KCND3: variants seen among roughly 807,000 people sequenced by gnomAD.
The protein encoded by KCND3 is A-type voltage-gated potassium channel KCND3.
KCND3 carries 9 observed loss-of-function variants against 51.1 expected under a neutral mutation model. That is an observed-to-expected ratio of 0.18 (90% CI 0.11 to 0.31). KCND3 has a LOEUF of 0.31. KCND3 is among the 10% of genes least tolerant of loss of function. The probability of loss-of-function intolerance (pLI) is 1.00; values close to 1 mark genes in which losing one functional copy is unlikely to be tolerated. For synonymous variants in KCND3, 349 were observed against 368.0 expected (o/e 0.95, Z 0.59); for missense variants, 526 against 903.8 (o/e 0.58, Z 5.36).
intron 1 of KCND3, among the ~76,000 whole-genome samples, chr1:111,986,001 T>A (rs997443223): frequency 6.6e-6 from 1 of 152,048 alleles, no homozygotes; most frequent in Non-Finnish European, 1.5e-5. Flanking sequence ...GATAGAAGAG[T>A]CAGGAACACA....
At chr1:111,972,258 C>G (rs369065582) in intron 2 of KCND3, among the ~76,000 whole-genome samples, 1 of 148,908 alleles carries the variant, frequency 6.7e-6, no homozygotes, top group African/African-American at 2.5e-5. Context: ...CTGCAAGCTC[C>G]GCCTCCCGGG....
chr1:111,882,267 G>A (rs1044526770), intron 2 of KCND3, among the ~76,000 whole-genome samples: 13 of 152,202 alleles, frequency 8.5e-5, no homozygotes, highest in South Asian at 2.1e-4. Flanking sequence ...TGGGGAAATC[G>A]AGGCATGGGG....
intron 2 of KCND3, among the ~76,000 whole-genome samples, chr1:111,870,320 C>T (rs1247634372): frequency 2.0e-5 from 3 of 152,172 alleles, no homozygotes; most frequent in African/African-American, 7.2e-5. Flanking sequence ...TTGCTAATAG[C>T]AGGCATTAGG....
At chr1:111,918,267 G>C (rs531284415) in intron 2 of KCND3, among the ~76,000 whole-genome samples, 31 of 152,340 alleles carry the variant, frequency 2.0e-4, no homozygotes, top group African/African-American at 7.2e-4. Flanking sequence ...AAGACAATGA[G>C]ATCTAAAAAG....
In KCND3 at chr1:111,982,742, T is replaced by C. The variant is rs2102000737; in HGVS notation, c.-16A>G. The C allele has an allele frequency of 3.1e-6, 5 of 1,598,680 alleles. No individual in the cohort carries two copies. Among genetic ancestry groups the C allele is most frequent in the South Asian group, 1.1e-5 (1 of 90,638 alleles). On this transcript the variant is annotated 5_prime_UTR_variant, in exon 2 of 8. Transcript: ENST00000302127. This position sits in a 1 kb window ranked among gnomAD's most constrained non-coding sequence, Gnocchi z 8.5. ...CGGCCGCCATGGTGACTCCAGCTCT[T>C]GGGCCGGCAGCCGCGCGGACGCTAG...
At chr1:111,849,030 C>A (rs1004093944) in intron 2 of KCND3, among the ~76,000 whole-genome samples, 46 of 152,130 alleles carry the variant, frequency 3.0e-4, no homozygotes, top group African/African-American at 1.1e-3. Context: ...TCTCCCCCGC[C>A]GCTCCCTGTA....
chr1:111,790,791 C>T (rs906337795), intron 2 of KCND3, among the ~76,000 whole-genome samples: 12 of 152,190 alleles, frequency 7.9e-5, no homozygotes, highest in Non-Finnish European at 1.6e-4. Flanking sequence ...TATAGATGTC[C>T]CCGTTTTGGA....
intron 2 of KCND3, among the ~76,000 whole-genome samples, chr1:111,965,070 A>T (rs1307663644): frequency 7.2e-6 from 1 of 138,112 alleles, no homozygotes; most frequent in Admixed American, 7.2e-5. Context: ...CACCCCCCCA[A>T]ACTGCCCCCA....
intron 2 of KCND3, among the ~76,000 whole-genome samples, chr1:111,800,898 C>T (rs981590033): frequency 4.6e-5 from 7 of 152,224 alleles, no homozygotes; most frequent in Admixed American, 6.5e-5. Context: ...GTCCATTCTT[C>T]CCAATCTCAG....
chr1:111,910,147 C>G (rs547557815), intron 2 of KCND3: 1 of 152,264 alleles, frequency 6.6e-6, no homozygotes, highest in Admixed American at 6.5e-5. Context: ...TTGCCTCCCC[C>G]TCAGAGGACC....
At chr1:111,815,678 T>C (rs1666053952) in intron 2 of KCND3, among the ~76,000 whole-genome samples, 1 of 151,872 alleles carries the variant, frequency 6.6e-6, no homozygotes, top group Non-Finnish European at 1.5e-5. Context: ...CACTTCTTGT[T>C]ACATTGAGAA....
chr1:111,787,361 G>T (rs975154264), intron 2 of KCND3, among the ~76,000 whole-genome samples: 1 of 152,222 alleles, frequency 6.6e-6, no homozygotes, highest in Non-Finnish European at 1.5e-5. Context: ...GTCTTTGTTG[G>T]TTCTACAAAG....
intron 2 of KCND3, among the ~76,000 whole-genome samples, chr1:111,845,606 C>T (rs1383610155): frequency 6.6e-6 from 1 of 152,148 alleles, no homozygotes; most frequent in African/African-American, 2.4e-5. Flanking sequence ...ACCAAGGAGT[C>T]ATCCCTGACT....
chr1:111,944,411 C>T (rs12072776), intron 2 of KCND3, among the ~76,000 whole-genome samples: 28,330 of 152,222 alleles, frequency 0.19, 3,877 homozygotes, highest in African/African-American at 0.39. Context: ...AGCAGCTTAG[C>T]AGGACCCCCA....
chr1:111,791,797 C>T (rs971462658), intron 2 of KCND3, among the ~76,000 whole-genome samples: 1 of 152,142 alleles, frequency 6.6e-6, no homozygotes, highest in African/African-American at 2.4e-5. Context: ...TAAATGAGAA[C>T]ACCAGCATTT....
intron 2 of KCND3, among the ~76,000 whole-genome samples, chr1:111,824,642 A>G (rs1161416965): frequency 6.6e-6 from 1 of 152,074 alleles, no homozygotes; most frequent in African/African-American, 2.4e-5. Flanking sequence ...CGAAACTTAC[A>G]TTTATCTTAT....
intron 2 of KCND3, among the ~76,000 whole-genome samples, chr1:111,807,553 G>A (rs1045685651): frequency 2.0e-5 from 3 of 152,238 alleles, no homozygotes; most frequent in Admixed American, 6.5e-5. Context: ...GCGGGGGCCT[G>A]TAATCCCAGC....
In KCND3 at chr1:111,942,873, G is replaced by T. The variant is rs1043849350; in HGVS notation, c.1106+38748C>A. 2.0e-5 allele frequency among the ~76,000 whole-genome samples: 3 copies of T among 152,218 alleles called. No individual in the cohort carries two copies. In the East Asian group the frequency reaches 5.8e-4, roughly 29 times the overall value. On this transcript the variant is annotated intron_variant, in intron 2 of 7. Transcript: ENST00000302127. ...GCTTTCTCAAGGTCAGCTAGGAAGT[G>T]CAGAACTTGGACTTCCCGGCCTTCT...
At chr1:111,843,116 A>C (rs989305007) in intron 2 of KCND3, among the ~76,000 whole-genome samples, 14 of 152,158 alleles carry the variant, frequency 9.2e-5, no homozygotes, top group African/African-American at 3.4e-4. Flanking sequence ...ATTTTTTCCT[A>C]GACCTGAGCT....
Sources: allele counts gnomAD v4.1 joint callset (sites outside exome capture counted in the v4.1 genomes callset), GRCh38; gene constraint gnomAD v4.1.1; non-coding constraint Gnocchi (gnomAD v3.1); transcripts MANE v1.5; gene names NCBI Gene and HGNC (gene_info 2026-07-23, HGNC 2026-07-21).